NRG3: variants seen among roughly 807,000 people sequenced by gnomAD.
NRG3 encodes the protein neuregulin 3.
In NRG3, 31 loss-of-function variants were observed where a neutral mutation model predicts 66.9. The ratio of observed to expected loss-of-function variants is 0.46; its 90% confidence interval spans 0.35 to 0.63. NRG3 has a LOEUF of 0.63. NRG3 is among the 20% of genes least tolerant of loss of function. The probability of loss-of-function intolerance (pLI) is 0.00; values close to 1 mark genes in which losing one functional copy is unlikely to be tolerated. For missense variants in NRG3, 910 were observed against 878.9 expected (o/e 1.04, Z -0.45); for synonymous variants, 393 against 359.4 (o/e 1.09, Z -1.06).
chr10:82,831,330 C>CA (rs1669541918), intron 3 of NRG3, among the ~76,000 whole-genome samples: 1 of 152,098 alleles, frequency 6.6e-6, no homozygotes, highest in South Asian at 2.1e-4. Flanking sequence ...ACTGCTGATC[C>CA]AAAGCCTATA....
chr10:82,772,321 C>G (rs969651270), intron 3 of NRG3, among the ~76,000 whole-genome samples: 3 of 152,000 alleles, frequency 2.0e-5, no homozygotes, highest in African/African-American at 4.8e-5. Context: ...TTCATTCATT[C>G]ATTCATTCAT....
At chr10:82,140,195 G>A (rs955428602) in intron 1 of NRG3, among the ~76,000 whole-genome samples, 5 of 152,028 alleles carry the variant, frequency 3.3e-5, no homozygotes, top group South Asian at 2.1e-4. Flanking sequence ...CTTCCTAGTC[G>A]ACTCTTTGCA....
At chr10:82,808,146 T>A (rs2135483747) in intron 3 of NRG3, among the ~76,000 whole-genome samples, 1 of 152,244 alleles carries the variant, frequency 6.6e-6, no homozygotes, top group Admixed American at 6.5e-5. Flanking sequence ...TTCATGTATC[T>A]TGAATAATTG....
intron 1 of NRG3, among the ~76,000 whole-genome samples, chr10:82,076,047 AT>A: frequency 6.6e-6 from 1 of 152,284 alleles, no homozygotes; most frequent in Non-Finnish European, 1.5e-5. Flanking sequence ...AGGGGTCCAT[AT>A]CACATTGCAT....
At chr10:82,072,637 G>C (rs1480261636) in intron 1 of NRG3, among the ~76,000 whole-genome samples, 8 of 151,872 alleles carry the variant, frequency 5.3e-5, no homozygotes. Flanking sequence ...TTTGCTGAAA[G>C]TACATACACA....
intron 3 of NRG3, among the ~76,000 whole-genome samples, chr10:82,788,293 G>A (rs1182727932): frequency 7.9e-5 from 12 of 152,150 alleles, no homozygotes; most frequent in East Asian, 1.9e-4. Context: ...AGAAACTACC[G>A]GAGCTGTGGC....
rs911250890 is a variant in NRG3 at position 82,350,405 on chromosome 10, G to A, written c.824-8334G>A. On this transcript the variant is annotated intron_variant, in intron 1 of 8. Coordinates refer to ENST00000372141, the MANE Select transcript of NRG3 (RefSeq NM_001010848.4). ...AGAGACTGACTTGCTAGGTCCCTAA[G>A]ATCCCATAATCTAGTTTGAGAAGAG... 2.0e-5 allele frequency among the ~76,000 whole-genome samples: 3 copies of A among 152,290 alleles called. No homozygotes were observed. The East Asian group carries it at 5.8e-4, about 30-fold the overall frequency.
chr10:82,232,552 C>A, intron 1 of NRG3: 1 of 548,080 alleles, frequency 1.8e-6, no homozygotes, highest in South Asian at 2.4e-5. Context: ...CTCTCAGGTA[C>A]CTCAGACTTC....
At chr10:82,870,563 A>C (rs533885052) in intron 4 of NRG3, among the ~76,000 whole-genome samples, 1 of 152,272 alleles carries the variant, frequency 6.6e-6, no homozygotes, top group South Asian at 2.1e-4. Flanking sequence ...AATGAATGAG[A>C]GTTCCTGTTG....
At chr10:82,797,472 A>T (rs2060847454) in intron 3 of NRG3, among the ~76,000 whole-genome samples, 1 of 152,064 alleles carries the variant, frequency 6.6e-6, no homozygotes, top group Non-Finnish European at 1.5e-5. Context: ...TCAGTGCTTA[A>T]ATCTACCTCT....
intron 1 of NRG3, among the ~76,000 whole-genome samples, chr10:82,259,926 TG>T (rs1252685088): frequency 1.4e-5 from 2 of 141,440 alleles, no homozygotes; most frequent in African/African-American, 5.6e-5. Flanking sequence ...GGCAAGACCT[TG>T]TCTCTATTAA....
intron 1 of NRG3, among the ~76,000 whole-genome samples, chr10:82,096,596 G>T (rs2066364343): frequency 6.6e-6 from 1 of 152,014 alleles, no homozygotes; most frequent in African/African-American, 2.4e-5. Flanking sequence ...AAGAGAGTGA[G>T]AAACTTGAAC....
At chr10:81,906,687 T>C (rs1441145979) in intron 1 of NRG3, among the ~76,000 whole-genome samples, 1 of 151,926 alleles carries the variant, frequency 6.6e-6, no homozygotes, top group Non-Finnish European at 1.5e-5. Context: ...CTGTGAGAGA[T>C]GGGAAAAAAT....
chr10:82,017,315 T>G (rs1203119477), intron 1 of NRG3, among the ~76,000 whole-genome samples: 1 of 152,202 alleles, frequency 6.6e-6, no homozygotes, highest in Non-Finnish European at 1.5e-5. Context: ...GTGCCACATT[T>G]TCTTAATCCA....
intron 2 of NRG3, among the ~76,000 whole-genome samples, chr10:82,527,633 A>G (rs2132610714): frequency 6.6e-6 from 1 of 152,340 alleles, no homozygotes; most frequent in Non-Finnish European, 1.5e-5. Context: ...GGGAGTCTCC[A>G]GTTTTACCTG....
At chr10:82,808,979 A>G (rs2061390990) in intron 3 of NRG3, among the ~76,000 whole-genome samples, 1 of 152,180 alleles carries the variant, frequency 6.6e-6, no homozygotes, top group African/African-American at 2.4e-5. Context: ...TGGCAGATCA[A>G]TGGGTTTAGT....
Position 82,986,532 on chromosome 10 carries a change from T to G in NRG3, c.*927T>G, listed in dbSNP as rs544008262. ...CAGGGAATCTACTATTCAGAAAAATTATTTCCCTCTTAGATCTTTTCACTT... is the reference window on the plus strand; with the variant it reads ...CAGGGAATCTACTATTCAGAAAAATGATTTCCCTCTTAGATCTTTTCACTT... On this transcript the variant is annotated 3_prime_UTR_variant, in exon 9 of 9. Coordinates refer to ENST00000372141, the MANE Select transcript of NRG3 (RefSeq NM_001010848.4). 1 of 152,328 alleles carries G rather than the reference T, an allele frequency of 6.6e-6. No homozygotes were observed. The highest frequency in any genetic ancestry group is 1.9e-4 in the East Asian group (1 of 5,172). 9.4% of individuals were successfully genotyped at this position (152,328 alleles called of 1,614,324 possible). A position where few individuals can be genotyped will look rare whatever the true frequency, so the allele number is the denominator to read the frequency against.
intron 2 of NRG3, among the ~76,000 whole-genome samples, chr10:82,586,057 G>T (rs2046649196): frequency 1.3e-5 from 2 of 152,032 alleles, no homozygotes; most frequent in South Asian, 4.1e-4. Flanking sequence ...GGAGCATAAT[G>T]ATTTGCAAAT....
intron 3 of NRG3, among the ~76,000 whole-genome samples, chr10:82,863,450 T>A (rs1282368977): frequency 6.6e-6 from 1 of 152,216 alleles, no homozygotes; most frequent in East Asian, 1.9e-4. Flanking sequence ...CCTTCTACAA[T>A]GGTTGAACTA....
Sources: gnomAD v4.1 joint callset for allele counts (sites outside exome capture counted in the v4.1 genomes callset) on GRCh38, gnomAD v4.1.1 for gene constraint, MANE v1.5 for transcripts, NCBI Gene and HGNC (gene_info 2026-07-23, HGNC 2026-07-21) for gene names.